Variants in RHOBTB3 observed in about 807,000 individuals in gnomAD.
The protein encoded by RHOBTB3 is Rho related BTB domain containing 3.
In RHOBTB3, 47 loss-of-function variants were observed where a neutral mutation model predicts 67.2. That is an observed-to-expected ratio of 0.70 (90% CI 0.55 to 0.89). The LOEUF (loss-of-function observed/expected upper bound fraction) is 0.89, where lower values mean the gene tolerates loss of function less well. RHOBTB3 is among the 40% of genes least tolerant of loss of function. The probability of loss-of-function intolerance (pLI) is 0.00; values close to 1 mark genes in which losing one functional copy is unlikely to be tolerated. For missense variants in RHOBTB3, 631 were observed against 750.0 expected (o/e 0.84, Z 1.85); for synonymous variants, 273 against 274.2 (o/e 1.00, Z 0.04).
intron 1 of RHOBTB3, among the ~76,000 whole-genome samples, chr5:95,720,664 T>A (rs1170611092): frequency 6.6e-6 from 1 of 152,182 alleles, no homozygotes; most frequent in Non-Finnish European, 1.5e-5. Context: ...TGTATTACAT[T>A]ATACGTCACT....
rs780473459 is a variant in RHOBTB3 at position 95,732,088 on chromosome 5, A to C, written c.228+4A>C. 6.2e-7 allele frequency: 1 copy of C among 1,613,238 alleles called. No homozygotes were observed. Among genetic ancestry groups the C allele is most frequent in the Non-Finnish European group, 8.5e-7 (1 of 1,179,168 alleles). On this transcript the variant is annotated splice_donor_region_variant and intron_variant, in intron 2 of 11. Coordinates refer to ENST00000379982, the MANE Select transcript of RHOBTB3 (RefSeq NM_014899.4). ...GGTCCACGACTGTCCCGTCTGGGTA[A>C]GGAAGAGCAGCTGCTCCGCGCTGAG...
intron 11 of RHOBTB3, chr5:95,789,364 A>T (rs1223964596): frequency 6.6e-6 from 1 of 152,502 alleles, no homozygotes; most frequent in Non-Finnish European, 1.5e-5. Flanking sequence ...TTTCATATAT[A>T]AAAAATGTTG....
Position 95,736,845 on chromosome 5 carries a change from G to A in RHOBTB3, c.229-44G>A, listed in dbSNP as rs775179352. The A allele has an allele frequency of 1.4e-5, 17 of 1,257,408 alleles. 1 individual carries two copies. The South Asian group carries it at 1.7e-4, about 12-fold the overall frequency. The allele number at this position is 1,257,408 out of a possible 1,614,324, so 77.9% of individuals were successfully genotyped here. A position where few individuals can be genotyped will look rare whatever the true frequency, so the allele number is the denominator to read the frequency against. ...GTCATAAATTATTTCAGGATTGATT[G>A]GACGATAAGTAGACTAAAGATTGCT... is the stretch of plus-strand genomic sequence containing the variant. On this transcript the variant is annotated intron_variant, in intron 2 of 11. Transcript: ENST00000379982.
intron 8 of RHOBTB3, among the ~76,000 whole-genome samples, chr5:95,774,643 A>G (rs1198891865): frequency 1.3e-5 from 2 of 152,234 alleles, no homozygotes; most frequent in Non-Finnish European, 2.9e-5. Context: ...CATAAATGCT[A>G]TGAAATTGTA....
intron 4 of RHOBTB3, among the ~76,000 whole-genome samples, chr5:95,750,026 T>C (rs1580405125): frequency 6.6e-6 from 1 of 152,338 alleles, no homozygotes; most frequent in East Asian, 1.9e-4. Flanking sequence ...TTACCTTAAC[T>C]CAAGCCCTGT....
chr5:95,750,653 C>T lies in RHOBTB3; in HGVS notation c.571-1586C>T, dbSNP rs62364383. ...CCGGCCACTGGTCCTGGGTCTGTTT[C>T]GGCCTGTGCAGGCCATTTTCCTGGG... On this transcript the variant is annotated intron_variant, in intron 4 of 11. Coordinates refer to ENST00000379982, the MANE Select transcript of RHOBTB3 (RefSeq NM_014899.4). 1.4e-3 allele frequency among the ~76,000 whole-genome samples: 207 copies of T among 152,368 alleles called. 1 individual carries two copies. The highest frequency in any genetic ancestry group is 4.9e-3 in the African/African-American group (203 of 41,588).
Position 95,731,935 on chromosome 5 carries a change from A to T in RHOBTB3, c.79A>T (p.Thr27Ser), listed in dbSNP as rs765265379. The change falls in exon 2 of 12, where the codon ACT becomes TCT. Residue 27 changes from threonine (T) to serine (S), a missense_variant. Physicochemically the swap from Thr to Ser is moderately conservative, Grantham distance 58 (BLOSUM62 1). Transcript: ENST00000379982. Reference protein sequence around the residue: ...QDNRPSGLIRTYLGRSPLVSG... With the variant: ...QDNRPSGLIRSYLGRSPLVSG... The stretch of plus-strand genomic sequence containing the variant: ...CAACCGGCCGTCGGGGCTTATCCGC[A>T]CTTACCTGGGGAGAAGCCCTCTGGT... 6.2e-7 allele frequency: 1 copy of T among 1,613,944 alleles called. No homozygotes were observed. Among genetic ancestry groups the T allele is most frequent in the Non-Finnish European group, 8.5e-7 (1 of 1,180,028 alleles).
intron 3 of RHOBTB3, among the ~76,000 whole-genome samples, chr5:95,743,047 G>A (rs1755643647): frequency 6.6e-6 from 1 of 151,948 alleles, no homozygotes; most frequent in Non-Finnish European, 1.5e-5. Context: ...CTCCAGCCTG[G>A]GGGACAGAGC....
At chr5:95,755,058 C>T (rs762869082) in intron 5 of RHOBTB3, among the ~76,000 whole-genome samples, 10 of 152,144 alleles carry the variant, frequency 6.6e-5, no homozygotes, top group Non-Finnish European at 1.3e-4. Context: ...TTTTGGGACA[C>T]ACAAGTAAGA....
At chr5:95,786,119 C>T (rs1281618738) in intron 10 of RHOBTB3, among the ~76,000 whole-genome samples, 1 of 152,040 alleles carries the variant, frequency 6.6e-6, no homozygotes, top group Non-Finnish European at 1.5e-5. Flanking sequence ...TATTCTTTTC[C>T]TGGTGGTTCC....
intron 10 of RHOBTB3, among the ~76,000 whole-genome samples, chr5:95,785,890 C>T (rs1446525957): frequency 6.6e-6 from 1 of 152,178 alleles, no homozygotes; most frequent in African/African-American, 2.4e-5. Flanking sequence ...TGCCTCCCCT[C>T]ACTGCCCCCC....
intron 6 of RHOBTB3, among the ~76,000 whole-genome samples, chr5:95,761,691 C>G (rs948653648): frequency 6.6e-6 from 1 of 152,158 alleles, no homozygotes; most frequent in Non-Finnish European, 1.5e-5. Context: ...TTCTAATTCA[C>G]TTGATCTGGA....
chr5:95,733,050 G>C (rs1755342119), intron 2 of RHOBTB3, among the ~76,000 whole-genome samples: 1 of 152,122 alleles, frequency 6.6e-6, no homozygotes, highest in Non-Finnish European at 1.5e-5. Context: ...AGGACTATAG[G>C]AAAGTATCAC....
At chr5:95,771,340 T>G (rs1325479852) in intron 8 of RHOBTB3, among the ~76,000 whole-genome samples, 2 of 152,196 alleles carry the variant, frequency 1.3e-5, no homozygotes, top group Non-Finnish European at 2.9e-5. Flanking sequence ...CAATAGTCAT[T>G]TACTTTTAAA....
rs754880635 is a variant in RHOBTB3 at position 95,755,393 on chromosome 5, CAG to C, written c.683-1_683del. On this transcript the variant is annotated splice_acceptor_variant, in intron 5 of 11. Transcript: ENST00000379982. LOFTEE classifies it high-confidence loss of function. ...ATTATTTTTATTTTCTTTTTCAAAA[CAG>C]AAAAAATGCCTGTCTTAAAGGCTGA... The C allele has an allele frequency of 6.7e-7, 1 of 1,493,160 alleles. No individual in the cohort carries two copies. Among genetic ancestry groups the C allele is most frequent in the Admixed American group, 2.4e-5 (1 of 41,568 alleles). The allele number at this position is 1,493,160 out of a possible 1,614,324, so 92.5% of individuals were successfully genotyped here. A position where few individuals can be genotyped will look rare whatever the true frequency, so the allele number is the denominator to read the frequency against.
At chr5:95,721,513 C>A (rs1052989008) in intron 1 of RHOBTB3, among the ~76,000 whole-genome samples, 50 of 151,538 alleles carry the variant, frequency 3.3e-4, no homozygotes, top group Non-Finnish European at 7.1e-4. Context: ...CTAAATATAG[C>A]CAGGGGAAAG....
intron 6 of RHOBTB3, among the ~76,000 whole-genome samples, chr5:95,761,941 A>G (rs1745406661): frequency 6.6e-6 from 1 of 152,250 alleles, no homozygotes; most frequent in African/African-American, 2.4e-5. Context: ...ACACAGTTAA[A>G]AAGCATTCAT....
At chr5:95,781,727 G>T (rs1376154183) in intron 9 of RHOBTB3, 1 of 152,342 alleles carries the variant, frequency 6.6e-6, no homozygotes, top group Non-Finnish European at 1.5e-5. Flanking sequence ...ACGTGTGCCT[G>T]TAATCCCAGC....
chr5:95,778,686 A>G (rs927862881), intron 8 of RHOBTB3, among the ~76,000 whole-genome samples: 1 of 152,270 alleles, frequency 6.6e-6, no homozygotes, highest in Admixed American at 6.5e-5. Context: ...TTTTAAAAAT[A>G]TAGTGCCCTA....
Sources: allele counts gnomAD v4.1 joint callset (sites outside exome capture counted in the v4.1 genomes callset), GRCh38; gene constraint gnomAD v4.1.1; transcripts MANE v1.5; gene names NCBI Gene and HGNC (gene_info 2026-07-23, HGNC 2026-07-21).